MYOM1: variants seen among roughly 807,000 people sequenced by gnomAD.
The protein encoded by MYOM1 is myomesin-1.
A neutral mutation model predicts 205.3 loss-of-function variants in MYOM1; 164 were observed. That is an observed-to-expected ratio of 0.80 (90% CI 0.70 to 0.91). The LOEUF is 0.91. Ranked by LOEUF, MYOM1 falls within the 40% of genes least tolerant of loss-of-function variation. The probability of loss-of-function intolerance (pLI) is 0.00; values close to 1 mark genes in which losing one functional copy is unlikely to be tolerated. For missense variants in MYOM1, 2,011 were observed against 2,127.3 expected, an observed-to-expected ratio of 0.95 and a Z score of 1.08; for synonymous variants, 772 against 789.4, an observed-to-expected ratio of 0.98 and a Z score of 0.37.
At chr18:3,128,746 T>C (rs2079831641) in intron 18 of MYOM1, among the ~76,000 whole-genome samples, 1 of 152,240 alleles carries the variant, frequency 6.6e-6, no homozygotes, top group Non-Finnish European at 1.5e-5. Flanking sequence ...TCTTGCAAAC[T>C]ATTTAAATTA....
intron 16 of MYOM1, among the ~76,000 whole-genome samples, chr18:3,132,513 T>C (rs2143895534): frequency 6.6e-6 from 1 of 152,250 alleles, no homozygotes; most frequent in Non-Finnish European, 1.5e-5. Context: ...TTTGTTATAT[T>C]GGTAAACTCG....
At chr18:3,161,591 C>T (rs2080391837) in intron 10 of MYOM1, among the ~76,000 whole-genome samples, 1 of 152,176 alleles carries the variant, frequency 6.6e-6, no homozygotes, top group African/African-American at 2.4e-5. Context: ...GGGACAGTAC[C>T]CCAGGGCACA....
intron 23 of MYOM1, among the ~76,000 whole-genome samples, 158 bp downstream of exon 23, chr18:3,102,316 T>A (rs2079390111): frequency 6.6e-6 from 1 of 152,068 alleles, no homozygotes; most frequent in South Asian, 2.1e-4. Flanking sequence ...GGATGATTAT[T>A]TTTAAGGTTT....
intron 20 of MYOM1, among the ~76,000 whole-genome samples, chr18:3,119,029 T>G (rs1027584834): frequency 3.3e-5 from 5 of 152,176 alleles, no homozygotes; most frequent in African/African-American, 4.8e-5. Context: ...AGTTTAAATC[T>G]TAACGGCTTA....
In MYOM1 at chr18:3,067,343, G is replaced by A. The variant is rs1156557835; in HGVS notation, c.4977C>T (p.Phe1659=). ...CCTCTGGGATGAACACGCTGACGGT[G>A]AAGTCGCTGGTCTCCGAGCCATACT... ...KNKYGSETSD[F]TVSVFIPEEE... is the part of the protein sequence containing the mutation. Residue 1659 remains phenylalanine (F), a synonymous_variant, in exon 38 of 38, where the codon TTC becomes TTT. Transcript: ENST00000356443. 1.2e-6 allele frequency: 2 copies of A among 1,612,216 alleles called. No homozygotes were observed. Among genetic ancestry groups the A allele is most frequent in the Admixed American group, 1.7e-5 (1 of 60,000 alleles).
intron 19 of MYOM1, among the ~76,000 whole-genome samples, chr18:3,122,838 T>C (rs1431547109): frequency 6.6e-6 from 1 of 152,236 alleles, no homozygotes; most frequent in Admixed American, 6.5e-5. Flanking sequence ...TAATTAACTG[T>C]TGGCAAACGG....
intron 37 of MYOM1, among the ~76,000 whole-genome samples, chr18:3,070,181 G>A (rs1264491129): frequency 6.6e-6 from 1 of 152,150 alleles, no homozygotes; most frequent in Non-Finnish European, 1.5e-5. Flanking sequence ...GTGTCTCACT[G>A]TGTTGTCCAG....
At chr18:3,220,062 A>C (rs1288351694), upstream of MYOM1, 1 of 152,260 alleles carries the variant, frequency 6.6e-6, no homozygotes, top group Non-Finnish European at 1.5e-5. Flanking sequence ...GGAGGAGGAG[A>C]GGGGCATGGG....
chr18:3,211,782 C>G (rs911656932), intron 2 of MYOM1, among the ~76,000 whole-genome samples: 24 of 152,320 alleles, frequency 1.6e-4, no homozygotes, highest in Non-Finnish European at 3.1e-4. Context: ...TCCTAAGACT[C>G]ACTAAGGTCA....
rs1471457893 is a variant in MYOM1, at chr18:3,152,929, G to A, written c.1644-1036C>T. ...TAGACAACTTCCTCACTTTCCTTAT[G>A]TAAAGTGCTGTCAAATGTGGCTTCA... is the stretch of plus-strand genomic sequence containing the variant. On this transcript the variant is annotated intron_variant, in intron 11 of 37. Transcript: ENST00000356443. The surrounding 1 kb of genome is among the most constrained non-coding windows in gnomAD (Gnocchi z 4.3). 6.6e-6 allele frequency among the ~76,000 whole-genome samples: 1 copy of A among 152,108 alleles called. No homozygotes were observed. Among genetic ancestry groups the A allele is most frequent in the African/African-American group, 2.4e-5 (1 of 41,426 alleles).
intron 8 of MYOM1, among the ~76,000 whole-genome samples, chr18:3,171,150 C>T (rs2080550947): frequency 6.6e-6 from 1 of 152,166 alleles, no homozygotes; most frequent in Non-Finnish European, 1.5e-5. Flanking sequence ...ACCGGCTGGC[C>T]GTTTCTGTGC....
At position 3,067,755 on chromosome 18, in the gene MYOM1, C is replaced by T. The variant is rs74999438; in HGVS notation, c.4765-200G>A. Among the ~76,000 whole-genome samples the T allele has an allele frequency of 0.067, 10,271 of 152,270 alleles. 463 individuals are homozygous for T. Among genetic ancestry groups the T allele is most frequent in the Non-Finnish European group, 0.095 (6,471 of 68,028 alleles). ...AACATGTGAGGGGATCTCCTCAAGG[C>T]CTTTTAATGCTCCTCAAGGCCTTTA... On this transcript the variant is annotated intron_variant, in intron 37 of 37. Coordinates refer to ENST00000356443, the MANE Select transcript of MYOM1 (RefSeq NM_003803.4).
At position 3,135,936 on chromosome 18, in the gene MYOM1, G is replaced by T. The variant is rs910615017; in HGVS notation, c.2026-206C>A. On this transcript the variant is annotated intron_variant, in intron 14 of 37. Transcript: ENST00000356443. This position sits in a 1 kb window ranked among gnomAD's most constrained non-coding sequence, Gnocchi z 4.1. ...CAAACTTGGCTTTTGATACGGTTTG[G>T]CTGTGTCCCTGCCCAAATCTCATCT... 6.6e-6 allele frequency among the ~76,000 whole-genome samples: 1 copy of T among 152,158 alleles called. No individual in the cohort carries two copies. Among genetic ancestry groups the T allele is most frequent in the Non-Finnish European group, 1.5e-5 (1 of 68,028 alleles).
At chr18:3,237,699 A>G in the MYOM1 span, among the ~76,000 whole-genome samples, 1 of 152,208 alleles carries the variant, frequency 6.6e-6, no homozygotes, top group African/African-American at 2.4e-5. Flanking sequence ...CAGTCACAAA[A>G]AGACAAATAC....
At chr18:3,106,634 C>A (rs529220793) in intron 22 of MYOM1, among the ~76,000 whole-genome samples, 23 of 152,074 alleles carry the variant, frequency 1.5e-4, no homozygotes, top group Admixed American at 3.3e-4. Flanking sequence ...CCAGCCTGGG[C>A]AACAAAATGA....
At chr18:3,083,082 T>C (rs1197386149) in intron 33 of MYOM1, among the ~76,000 whole-genome samples, 1 of 152,242 alleles carries the variant, frequency 6.6e-6, no homozygotes, top group Non-Finnish European at 1.5e-5. Flanking sequence ...AAGGTAAGAA[T>C]GTGGCTCCAG....
chr18:3,086,080 C>T lies in MYOM1; in HGVS notation c.4209G>A (p.Lys1403=). The T allele has an allele frequency of 3.1e-6, 5 of 1,611,698 alleles. No individual in the cohort carries two copies. The highest frequency in any genetic ancestry group is 2.2e-5 in the East Asian group (1 of 44,792). ...KDEREISVDE[K]HDFKDGICTL... is the part of the protein sequence containing the mutation. ...TACATATACCATCCTTAAAGTCATG[C>T]TTTTCATCCACTGATATCTCCCTCT... The change falls in exon 30 of 38, where the codon AAG becomes AAA. Residue 1403 remains lysine, a synonymous_variant. Coordinates refer to ENST00000356443, the MANE Select transcript of MYOM1 (RefSeq NM_003803.4).
intron 11 of MYOM1, among the ~76,000 whole-genome samples, chr18:3,154,364 T>A (rs1483171709): frequency 6.6e-6 from 1 of 152,026 alleles, no homozygotes; most frequent in Non-Finnish European, 1.5e-5. Context: ...CCAGCTCATG[T>A]TACTAATTTG....
the MYOM1 span, among the ~76,000 whole-genome samples, chr18:3,233,910 A>G: frequency 2.6e-5 from 4 of 152,368 alleles, no homozygotes; most frequent in South Asian, 2.1e-4. Flanking sequence ...TTATTAACAC[A>G]GTCATTCTTA....
Sources: allele counts gnomAD v4.1 joint callset (sites outside exome capture counted in the v4.1 genomes callset), GRCh38; gene constraint gnomAD v4.1.1; non-coding constraint Gnocchi (gnomAD v3.1); transcripts MANE v1.5; gene names NCBI Gene and HGNC (gene_info 2026-07-23, HGNC 2026-07-21).